The following IQCJ variants were observed in gnomAD, a reference collection of about 807,000 sequenced individuals.
The protein encoded by IQCJ is IQ motif containing J, also known as IQ domain-containing protein J.
IQCJ carries 9 observed loss-of-function variants against 11.0 expected under a neutral mutation model. The ratio of observed to expected loss-of-function variants is 0.82; its 90% CI spans 0.49 to 1.43. IQCJ has a LOEUF of 1.43. IQCJ is among the 40% of genes most tolerant of loss of function. The probability of loss-of-function intolerance (pLI) is 0.00; values close to 1 mark genes in which losing one functional copy is unlikely to be tolerated. For missense variants in IQCJ, 146 were observed against 133.2 expected (o/e 1.10, Z -0.47); for synonymous variants, 55 against 51.3 (o/e 1.07, Z -0.31).
chr3:159,172,010 GTCACATTT>G (rs1722507518), intron 1 of IQCJ, among the ~76,000 whole-genome samples: 1 of 152,040 alleles, frequency 6.6e-6, no homozygotes, highest in African/African-American at 2.4e-5. Context: ...ACTGCAAATT[GTCACATTT>G]GGGGAAAATA....
intron 1 of IQCJ, among the ~76,000 whole-genome samples, chr3:159,072,777 G>A (rs565344670): frequency 3.7e-4 from 57 of 152,122 alleles, no homozygotes; most frequent in African/African-American, 1.2e-3. Flanking sequence ...CTGAGGTACC[G>A]AGAAGTTTAA....
intron 1 of IQCJ, among the ~76,000 whole-genome samples, chr3:159,202,420 A>C (rs1724403290): frequency 6.6e-6 from 1 of 152,202 alleles, no homozygotes; most frequent in Non-Finnish European, 1.5e-5. Context: ...CAAGTTCCTC[A>C]GTTTCTGTCC....
chr3:159,073,828 C>T (rs968650530), intron 1 of IQCJ, among the ~76,000 whole-genome samples: 1 of 152,122 alleles, frequency 6.6e-6, no homozygotes, highest in African/African-American at 2.4e-5. Flanking sequence ...ACTGCATGGA[C>T]AATCTCGACT....
chr3:159,110,908 T>G (rs1031056723), intron 1 of IQCJ, among the ~76,000 whole-genome samples: 1 of 152,208 alleles, frequency 6.6e-6, no homozygotes, highest in Non-Finnish European at 1.5e-5. Context: ...AAATTGTGGT[T>G]AAAGGGACTT....
chr3:159,200,045 T>TATATATATATATATATAA, intron 1 of IQCJ, among the ~76,000 whole-genome samples: 1 of 140,926 alleles, frequency 7.1e-6, no homozygotes, highest in South Asian at 2.3e-4. Flanking sequence ...TATATATATA[T>TATATATATATATATATAA]ATAAATCTAA....
At chr3:159,204,004 C>T (rs1378556333) in intron 1 of IQCJ, among the ~76,000 whole-genome samples, 2 of 152,078 alleles carry the variant, frequency 1.3e-5, no homozygotes, top group East Asian at 1.9e-4. Flanking sequence ...AAGGTCATGG[C>T]TCTGTGTATG....
intron 1 of IQCJ, among the ~76,000 whole-genome samples, chr3:159,181,946 T>TATCTTTCCTATAAGAC (rs1553785315): frequency 0.03 from 4,572 of 151,840 alleles, 295 homozygotes; most frequent in African/African-American, 0.11. Flanking sequence ...TAAATTCCTT[T>TATCTTTCCTATAAGAC]AAAGTGTCTC....
intron 1 of IQCJ, among the ~76,000 whole-genome samples, chr3:159,119,127 C>A (rs1013874336): frequency 6.6e-6 from 1 of 152,218 alleles, no homozygotes; most frequent in Non-Finnish European, 1.5e-5. Context: ...TTCCTACTTA[C>A]ACCTGGGTAT....
At chr3:159,107,014 G>A (rs940598539) in intron 1 of IQCJ, among the ~76,000 whole-genome samples, 6 of 152,154 alleles carry the variant, frequency 3.9e-5, no homozygotes, top group African/African-American at 1.4e-4. Context: ...CAAATATTCT[G>A]TTGTTCTGCA....
chr3:159,132,469 T>C (rs1341618612), intron 1 of IQCJ, among the ~76,000 whole-genome samples: 1 of 152,240 alleles, frequency 6.6e-6, no homozygotes, highest in Admixed American at 6.5e-5. Flanking sequence ...CAAATGATTT[T>C]TTATTATATA....
At chr3:159,196,128 CTAAG>C (rs1325210635) in intron 1 of IQCJ, among the ~76,000 whole-genome samples, 2 of 152,278 alleles carry the variant, frequency 1.3e-5, no homozygotes, top group Non-Finnish European at 1.5e-5. Context: ...ATCCACACAG[CTAAG>C]TAAGTAGTGG....
rs575372066 is a variant in IQCJ at position 159,159,753 on chromosome 3, C to T, written c.10-86090C>T. On this transcript the variant is annotated intron_variant, in intron 1 of 3. Transcript: ENST00000397832. ...GTTTGGGCCATGAGGGTGGATCCCT[C>T]GTAAATGGTTTGGTGCCATCCCCTT... 7.2e-5 allele frequency among the ~76,000 whole-genome samples: 11 copies of T among 152,250 alleles called. No homozygotes were observed. The South Asian group carries it at 1.0e-3, about 14-fold the overall frequency.
intron 1 of IQCJ, among the ~76,000 whole-genome samples, chr3:159,092,303 G>C (rs1426988694): frequency 4.6e-5 from 7 of 151,954 alleles, no homozygotes; most frequent in Non-Finnish European, 8.8e-5. Flanking sequence ...CTTTGGGACT[G>C]TTATAGCTAT....
At chr3:159,237,930 G>A (rs578126048) in intron 1 of IQCJ, among the ~76,000 whole-genome samples, 5 of 152,186 alleles carry the variant, frequency 3.3e-5, no homozygotes, top group Non-Finnish European at 2.9e-5. Flanking sequence ...TAGGGTTCTT[G>A]AAGTTTCTGG....
intron 1 of IQCJ, among the ~76,000 whole-genome samples, chr3:159,165,428 T>C (rs1459325182): frequency 6.6e-6 from 1 of 152,160 alleles, no homozygotes; most frequent in East Asian, 1.9e-4. Context: ...GAAAGACAGA[T>C]GTGGGGGATG....
chr3:159,071,125 T>C (rs774067975), intron 1 of IQCJ, among the ~76,000 whole-genome samples: 12 of 151,994 alleles, frequency 7.9e-5, no homozygotes, highest in Non-Finnish European at 1.6e-4. Context: ...TGTGTACTTA[T>C]AGAGGATTAT....
intron 1 of IQCJ, among the ~76,000 whole-genome samples, chr3:159,203,006 T>G (rs1304170959): frequency 6.6e-6 from 1 of 152,036 alleles, no homozygotes; most frequent in Non-Finnish European, 1.5e-5. Context: ...TTTAATTGAC[T>G]CTTACATTTC....
chr3:159,146,304 C>T (rs1472992184), intron 1 of IQCJ, among the ~76,000 whole-genome samples: 1 of 152,016 alleles, frequency 6.6e-6, no homozygotes, highest in Non-Finnish European at 1.5e-5. Context: ...ACATTTGGAG[C>T]TGCTCTAAAT....
At chr3:159,081,114 C>T (rs578182744) in intron 1 of IQCJ, among the ~76,000 whole-genome samples, 7 of 152,022 alleles carry the variant, frequency 4.6e-5, no homozygotes, top group Non-Finnish European at 1.0e-4. Context: ...GACTCAAGTC[C>T]CCCATCTTGC....
Sources: allele counts gnomAD v4.1 joint callset (sites outside exome capture counted in the v4.1 genomes callset), GRCh38; gene constraint gnomAD v4.1.1; transcripts MANE v1.5; gene names NCBI Gene and HGNC (gene_info 2026-07-23, HGNC 2026-07-21).